RGS6: variants seen among roughly 807,000 people sequenced by gnomAD.
The protein encoded by RGS6 is regulator of G protein signaling 6, also known as regulator of G-protein signaling 6.
Under a neutral mutation model 78.5 loss-of-function variants are expected in RGS6, and 30 were observed. The observed-to-expected ratio is 0.38, with a 90% CI of 0.29 to 0.52. The LOEUF is 0.52. Ranked by LOEUF, RGS6 falls within the 20% of genes least tolerant of loss-of-function variation. The pLI, the probability that RGS6 is intolerant of heterozygous loss-of-function variation, is 0.85. For missense variants in RGS6, 495 were observed against 609.7 expected, an observed-to-expected ratio of 0.81 and a Z score of 1.98; for synonymous variants, 206 against 206.0, an observed-to-expected ratio of 1.00 and a Z score of 0.00.
rs111502402 is a variant in RGS6 at position 72,220,973 on chromosome 14, T to G, written c.85-131122T>G. ...TCCCAACCTCCCTAAATCCTCCTTA[T>G]CAGCAGCAGCAGCCCTTATCCTCTG... is the stretch of plus-strand genomic sequence containing the variant. On this transcript the variant is annotated intron_variant, in intron 2 of 17. Transcript: ENST00000553525. 7.7e-3 allele frequency among the ~76,000 whole-genome samples: 1,171 copies of G among 152,244 alleles called. 10 individuals carry two copies. Among genetic ancestry groups the G allele is most frequent in the African/African-American group, 0.026 (1,072 of 41,532 alleles).
the RGS6 span, among the ~76,000 whole-genome samples, chr14:71,914,160 T>G: frequency 6.6e-6 from 1 of 152,218 alleles, no homozygotes; most frequent in Non-Finnish European, 1.5e-5. Flanking sequence ...GTGGGTTTTG[T>G]CCTTGGGCCA....
At chr14:72,596,966 C>T in the RGS6 span, among the ~76,000 whole-genome samples, 4 of 152,146 alleles carry the variant, frequency 2.6e-5, no homozygotes, top group East Asian at 1.9e-4. Context: ...AGGCCAGGCA[C>T]GGTGGCTCAC....
At chr14:71,933,901 G>A (rs1594840010) in intron 1 of RGS6, among the ~76,000 whole-genome samples, 1 of 152,170 alleles carries the variant, frequency 6.6e-6, no homozygotes, top group Admixed American at 6.5e-5. Context: ...AATGGAGTTA[G>A]AGAATGAGCT....
chr14:72,017,887 G>A (rs2087416668), intron 2 of RGS6, among the ~76,000 whole-genome samples: 1 of 152,060 alleles, frequency 6.6e-6, no homozygotes, highest in South Asian at 2.1e-4. Flanking sequence ...CTATCGCCTA[G>A]GTATTATGCC....
intron 1 of RGS6, among the ~76,000 whole-genome samples, chr14:71,964,109 T>C (rs184926166): frequency 6.6e-6 from 1 of 152,192 alleles, no homozygotes; most frequent in Non-Finnish European, 1.5e-5. Flanking sequence ...ATTTCCCTAA[T>C]AAAATATTCA....
intron 3 of RGS6, among the ~76,000 whole-genome samples, chr14:72,364,356 T>C (rs1310867117): frequency 1.3e-5 from 2 of 152,160 alleles, no homozygotes; most frequent in Non-Finnish European, 2.9e-5. Context: ...AAACTTAAAG[T>C]TGAAACGCAT....
the RGS6 span, among the ~76,000 whole-genome samples, chr14:71,892,924 A>C: frequency 0.055 from 8,312 of 152,334 alleles, 344 homozygotes; most frequent in Non-Finnish European, 0.084. Flanking sequence ...CATGTGCTCT[A>C]TATGTAGATG....
Position 72,005,873 on chromosome 14 carries a change from G to GT in RGS6, c.84+41008dup, listed in dbSNP as rs201094171. ...GTACATTTTTACTTTATTCATTATT[G>GT]TTTTTTTTTTCTTAAGCAAAGTTTG... On this transcript the variant is annotated intron_variant, in intron 2 of 17. Transcript: ENST00000553525. Among the ~76,000 whole-genome samples the GT allele has an allele frequency of 1.5e-3, 222 of 146,500 alleles. 1 individual carries two copies. The highest frequency in any genetic ancestry group is 4.4e-3 in the African/African-American group (177 of 40,048).
chr14:71,890,989 T>C, the RGS6 span, among the ~76,000 whole-genome samples: 2 of 152,082 alleles, frequency 1.3e-5, no homozygotes, highest in Admixed American at 1.3e-4. Context: ...AGTGAAGGGG[T>C]GATTTAGTTC....
At chr14:72,467,302 G>A (rs2095943552) in intron 7 of RGS6, among the ~76,000 whole-genome samples, 1 of 152,166 alleles carries the variant, frequency 6.6e-6, no homozygotes, top group African/African-American at 2.4e-5. Context: ...CAGCAGCTAT[G>A]GAAGGAGGGG....
intron 3 of RGS6, among the ~76,000 whole-genome samples, chr14:72,398,855 A>T (rs138545347): frequency 2.0e-5 from 3 of 152,184 alleles, no homozygotes; most frequent in Non-Finnish European, 4.4e-5. Flanking sequence ...CATGTAGTTG[A>T]GCGGTTTTGA....
intron 2 of RGS6, among the ~76,000 whole-genome samples, chr14:72,181,322 C>CT (rs1254152605): frequency 8.5e-5 from 13 of 152,144 alleles, no homozygotes; most frequent in Admixed American, 7.9e-4. Context: ...TATTTAAGAC[C>CT]TGATAGTTTG....
chr14:72,314,948 A>G (rs907919628), intron 2 of RGS6, among the ~76,000 whole-genome samples: 1 of 152,230 alleles, frequency 6.6e-6, no homozygotes, highest in African/African-American at 2.4e-5. Context: ...ACACGACCAG[A>G]AATTGTGTGA....
intron 2 of RGS6, among the ~76,000 whole-genome samples, chr14:72,031,794 G>A (rs1217978171): frequency 1.2e-4 from 18 of 152,174 alleles, no homozygotes; most frequent in Admixed American, 1.2e-3. Flanking sequence ...GTCCAGGACT[G>A]GACTATTAGG....
intron 2 of RGS6, among the ~76,000 whole-genome samples, chr14:72,093,518 A>T (rs2095331089): frequency 6.6e-6 from 1 of 152,242 alleles, no homozygotes; most frequent in African/African-American, 2.4e-5. Flanking sequence ...TGCTGGCACT[A>T]CAGCAGTGAG....
At chr14:71,976,451 C>G (rs971137755) in intron 2 of RGS6, among the ~76,000 whole-genome samples, 3 of 144,590 alleles carry the variant, frequency 2.1e-5, no homozygotes, top group African/African-American at 5.2e-5. Flanking sequence ...GTGATGTTCC[C>G]CTTCCTGTGT....
chr14:72,344,732 G>A (rs940154315), intron 2 of RGS6, among the ~76,000 whole-genome samples: 3 of 152,194 alleles, frequency 2.0e-5, no homozygotes, highest in Admixed American at 1.3e-4. Flanking sequence ...CGTTGATATG[G>A]AGAAAAGATA....
intron 2 of RGS6, among the ~76,000 whole-genome samples, chr14:72,114,826 C>T (rs1240098304): frequency 2.0e-5 from 3 of 152,106 alleles, no homozygotes; most frequent in Non-Finnish European, 2.9e-5. Flanking sequence ...CCCAAGTGAT[C>T]GAAGGGCTTT....
At chr14:71,924,817 A>C in the RGS6 span, among the ~76,000 whole-genome samples, 1 of 152,290 alleles carries the variant, frequency 6.6e-6, no homozygotes, top group East Asian at 1.9e-4. Context: ...TTATCCATTC[A>C]TCCACTGATG....
Sources: allele counts gnomAD v4.1 joint callset (sites outside exome capture counted in the v4.1 genomes callset), GRCh38; gene constraint gnomAD v4.1.1; transcripts MANE v1.5; gene names NCBI Gene and HGNC (gene_info 2026-07-23, HGNC 2026-07-21).